The following PTPRJ variants were observed in gnomAD, a reference collection of about 807,000 sequenced individuals.
The protein encoded by PTPRJ is protein tyrosine phosphatase receptor type J.
Under a neutral mutation model 141.3 loss-of-function variants are expected in PTPRJ, and 129 were observed. The observed-to-expected ratio is 0.91, with a 90% CI of 0.79 to 1.06. The LOEUF is 1.06. Ranked by LOEUF, PTPRJ falls within the 50% of genes least tolerant of loss-of-function variation. The probability of loss-of-function intolerance (pLI) is 0.00; values close to 1 mark genes in which losing one functional copy is unlikely to be tolerated. For synonymous variants in PTPRJ, 610 were observed against 640.5 expected, an observed-to-expected ratio of 0.95 and a Z score of 0.72; for missense variants, 1,601 against 1,679.7, an observed-to-expected ratio of 0.95 and a Z score of 0.82.
intron 1 of PTPRJ, among the ~76,000 whole-genome samples, chr11:47,999,990 G>A (rs1383580761): frequency 6.6e-6 from 1 of 151,384 alleles, no homozygotes; most frequent in South Asian, 2.1e-4. Flanking sequence ...CTGAGTATCT[G>A]GGAGTACAGG....
At chr11:48,058,534 ACT>A (rs1854824422) in intron 1 of PTPRJ, among the ~76,000 whole-genome samples, 1 of 151,592 alleles carries the variant, frequency 6.6e-6, no homozygotes, top group Non-Finnish European at 1.5e-5. Context: ...TTGACTCCTG[ACT>A]CTCAAACCTC....
intron 1 of PTPRJ, among the ~76,000 whole-genome samples, chr11:48,075,140 G>T (rs1967210): frequency 0.76 from 113,377 of 149,456 alleles, 43,776 homozygotes; most frequent in East Asian, 0.88. Flanking sequence ...TATTTATTTA[G>T]TTAGTTAGTT....
intron 7 of PTPRJ, among the ~76,000 whole-genome samples, chr11:48,129,950 G>A (rs1407242919): frequency 2.0e-5 from 3 of 151,950 alleles, no homozygotes; most frequent in African/African-American, 7.3e-5. Context: ...TAGTCACATT[G>A]CAACATCTAG....
chr11:48,106,821 T>C (rs554429726), intron 1 of PTPRJ, among the ~76,000 whole-genome samples: 2 of 142,436 alleles, frequency 1.4e-5, no homozygotes, highest in Admixed American at 1.5e-4. Context: ...CAGGCTGGAG[T>C]GCAGTGGCGC....
chr11:48,026,656 G>A (rs1327514693), intron 1 of PTPRJ, among the ~76,000 whole-genome samples: 2 of 152,054 alleles, frequency 1.3e-5, no homozygotes, highest in African/African-American at 4.8e-5. Flanking sequence ...CACTGTGTTA[G>A]CCAGGATGGT....
chr11:48,031,865 G>A (rs1853993808), intron 1 of PTPRJ, among the ~76,000 whole-genome samples: 1 of 152,190 alleles, frequency 6.6e-6, no homozygotes, highest in South Asian at 2.1e-4. Context: ...CAGTGTTGGG[G>A]CTTGGGGGAT....
intron 1 of PTPRJ, among the ~76,000 whole-genome samples, chr11:48,093,233 G>A (rs548496188): frequency 1.3e-5 from 2 of 152,144 alleles, no homozygotes; most frequent in South Asian, 4.2e-4. Flanking sequence ...AAGTTATATT[G>A]GCTTCATAGA....
intron 1 of PTPRJ, among the ~76,000 whole-genome samples, chr11:48,083,730 T>C (rs59134771): frequency 0.023 from 3,566 of 152,308 alleles, 85 homozygotes; most frequent in South Asian, 0.11. Flanking sequence ...GTCTGGCATG[T>C]AGTGAGTACC....
chr11:48,106,044 C>T (rs1273083478), intron 1 of PTPRJ, among the ~76,000 whole-genome samples: 4 of 152,160 alleles, frequency 2.6e-5, no homozygotes, highest in East Asian at 1.9e-4. Flanking sequence ...GTCATCTGCT[C>T]CAGCTAGGAT....
chr11:48,052,394 C>T (rs1340862028), intron 1 of PTPRJ, among the ~76,000 whole-genome samples: 1 of 152,218 alleles, frequency 6.6e-6, no homozygotes, highest in East Asian at 1.9e-4. Flanking sequence ...TTCAGGAGAT[C>T]CTGGACATCC....
chr11:48,039,980 GGTTTCACCAT>G (rs1252539318), intron 1 of PTPRJ, among the ~76,000 whole-genome samples: 1 of 152,132 alleles, frequency 6.6e-6, no homozygotes, highest in African/African-American at 2.4e-5. Context: ...TTAGAGACGT[GGTTTCACCAT>G]GTTGGGCAGG....
chr11:48,027,313 AC>A (rs1233466528), intron 1 of PTPRJ, among the ~76,000 whole-genome samples: 1 of 151,652 alleles, frequency 6.6e-6, no homozygotes, highest in Non-Finnish European at 1.5e-5. Flanking sequence ...GGCCCGGAAT[AC>A]CCTTAAAATA....
chr11:48,107,309 G>A (rs1471844365), intron 1 of PTPRJ, among the ~76,000 whole-genome samples: 1 of 152,084 alleles, frequency 6.6e-6, no homozygotes, highest in Non-Finnish European at 1.5e-5. Context: ...AAAGGAGGAT[G>A]TGAAACTAGA....
intron 1 of PTPRJ, among the ~76,000 whole-genome samples, chr11:48,071,507 G>A (rs951665288): frequency 5.3e-5 from 8 of 151,540 alleles, no homozygotes; most frequent in Non-Finnish European, 1.2e-4. Context: ...TAGTAGAGAC[G>A]GGGTTTCACC....
chr11:48,028,276 C>T (rs1853879424), intron 1 of PTPRJ, among the ~76,000 whole-genome samples: 1 of 152,218 alleles, frequency 6.6e-6, no homozygotes, highest in Non-Finnish European at 1.5e-5. Context: ...CTAATCCACA[C>T]TGTCCTCTCT....
At chr11:48,021,784 T>G (rs1855132064) in intron 1 of PTPRJ, among the ~76,000 whole-genome samples, 1 of 152,240 alleles carries the variant, frequency 6.6e-6, no homozygotes, top group Non-Finnish European at 1.5e-5. Context: ...TGTTTTGTTT[T>G]GTTTTGTTTT....
At chr11:48,092,438 C>CTT (rs1314785632) in intron 1 of PTPRJ, among the ~76,000 whole-genome samples, 1 of 147,128 alleles carries the variant, frequency 6.8e-6, no homozygotes, top group African/African-American at 2.5e-5. Context: ...TGTCTTTTTT[C>CTT]TTTTTTTTTG....
At chr11:48,021,421 A>AAATAAATAAAT (rs1176954005) in intron 1 of PTPRJ, among the ~76,000 whole-genome samples, 2 of 92,806 alleles carry the variant, frequency 2.2e-5, no homozygotes, top group Non-Finnish European at 3.8e-5. Flanking sequence ...ATAAATAAAT[A>AAATAAATAAAT]AAATAAAATA....
intron 3 of PTPRJ, among the ~76,000 whole-genome samples, 193 bp downstream of exon 3, chr11:48,113,176 G>A (rs1856482456): frequency 6.6e-6 from 1 of 152,060 alleles, no homozygotes; most frequent in African/African-American, 2.4e-5. Flanking sequence ...ATCATTAACT[G>A]GAGATAACCA....
Sources: allele counts gnomAD v4.1 joint callset (sites outside exome capture counted in the v4.1 genomes callset), GRCh38; gene constraint gnomAD v4.1.1; transcripts MANE v1.5; gene names NCBI Gene and HGNC (gene_info 2026-07-23, HGNC 2026-07-21).